Variants in DYM observed in about 807,000 individuals in gnomAD.
The protein encoded by DYM is dyggve-Melchior-Clausen syndrome protein.
A neutral mutation model predicts 93.1 loss-of-function variants in DYM; 78 were observed. The ratio of observed to expected loss-of-function variants is 0.84; its 90% CI spans 0.70 to 1.01. The LOEUF (loss-of-function observed/expected upper bound fraction) is 1.01, where lower values mean the gene tolerates loss of function less well. Ranked by LOEUF, DYM falls within the 50% of genes least tolerant of loss-of-function variation. DYM has a pLI of 0.00. For synonymous variants in DYM, 321 were observed against 319.7 expected, an observed-to-expected ratio of 1.00 and a Z score of -0.04; for missense variants, 789 against 845.0, an observed-to-expected ratio of 0.93 and a Z score of 0.82.
chr18:49,342,233 G>A (rs987802497), intron 6 of DYM, among the ~76,000 whole-genome samples: 1 of 152,148 alleles, frequency 6.6e-6, no homozygotes, highest in Non-Finnish European at 1.5e-5. Flanking sequence ...TGGATCTCTT[G>A]TTCCATCTTC....
chr18:49,338,186 T>C (rs1240173541), intron 6 of DYM, among the ~76,000 whole-genome samples: 1 of 152,202 alleles, frequency 6.6e-6, no homozygotes, highest in Non-Finnish European at 1.5e-5. Flanking sequence ...AATAGTAGGT[T>C]ATCAAAAACA....
At chr18:49,180,912 G>C (rs2089864415) in intron 14 of DYM, among the ~76,000 whole-genome samples, 1 of 152,100 alleles carries the variant, frequency 6.6e-6, no homozygotes, top group Admixed American at 6.6e-5. Context: ...ATTGATTTCT[G>C]GCATGGAGGA....
intron 6 of DYM, among the ~76,000 whole-genome samples, chr18:49,339,105 C>T (rs1054585422): frequency 2.0e-5 from 3 of 152,018 alleles, no homozygotes; most frequent in Non-Finnish European, 4.4e-5. Flanking sequence ...GGTGATATGC[C>T]CCTATGCCCT....
At chr18:49,093,380 G>C (rs570384871) in intron 17 of DYM, 2 of 152,626 alleles carry the variant, frequency 1.3e-5, no homozygotes, top group African/African-American at 4.8e-5. Flanking sequence ...GTTAGGCCAT[G>C]AAGTGCCTTG....
intron 8 of DYM, among the ~76,000 whole-genome samples, chr18:49,316,889 A>C (rs1324005455): frequency 6.6e-6 from 1 of 152,164 alleles, no homozygotes; most frequent in Non-Finnish European, 1.5e-5. Context: ...TTCCTGGCTT[A>C]ACAGCTCTTT....
At position 49,219,524 on chromosome 18, in the gene DYM, T is replaced by C. The variant is rs1320916908; in HGVS notation, c.1461-9809A>G. 8.7e-4 allele frequency among the ~76,000 whole-genome samples: 132 copies of C among 152,112 alleles called. No individual in the cohort carries two copies. In the Middle Eastern group the frequency reaches 0.017, roughly 20 times the overall value. ...AATCCTCAATAAAATACTGGCAAAC[T>C]GAATCCAGCAGCACATCAAAAAGCT... On this transcript the variant is annotated intron_variant, in intron 13 of 17. Coordinates refer to ENST00000675505, the MANE Select transcript of DYM (RefSeq NM_001353214.3).
intron 2 of DYM, among the ~76,000 whole-genome samples, chr18:49,425,632 T>G (rs1266479227): frequency 6.6e-6 from 1 of 152,152 alleles, no homozygotes; most frequent in East Asian, 1.9e-4. Flanking sequence ...AGAAAATTTT[T>G]GCAATCTACC....
At chr18:49,095,242 A>T (rs2079437928) in intron 17 of DYM, among the ~76,000 whole-genome samples, 1 of 152,188 alleles carries the variant, frequency 6.6e-6, no homozygotes, top group African/African-American at 2.4e-5. Context: ...AGAGATTTTA[A>T]GTGACTCATT....
chr18:49,121,343 TA>T (rs2082361593), intron 15 of DYM, among the ~76,000 whole-genome samples: 1 of 151,674 alleles, frequency 6.6e-6, no homozygotes, highest in Non-Finnish European at 1.5e-5. Context: ...TTGCACAAAC[TA>T]ACCCTACAAA....
At chr18:49,315,017 C>T (rs1008207846) in intron 8 of DYM, among the ~76,000 whole-genome samples, 4 of 152,108 alleles carry the variant, frequency 2.6e-5, no homozygotes, top group Non-Finnish European at 5.9e-5. Context: ...GAGTTCGAGA[C>T]CAGCCTGGGC....
chr18:49,228,269 T>C (rs1003709323), intron 13 of DYM, among the ~76,000 whole-genome samples: 1 of 152,106 alleles, frequency 6.6e-6, no homozygotes. Flanking sequence ...ACCTTTATAT[T>C]AGACTGACAA....
At chr18:49,347,426 T>C (rs907649684) in intron 6 of DYM, among the ~76,000 whole-genome samples, 1 of 152,174 alleles carries the variant, frequency 6.6e-6, no homozygotes, top group Non-Finnish European at 1.5e-5. Flanking sequence ...CATTAAAATA[T>C]AACATATTGA....
chr18:49,340,893 CA>C (rs2064063114), intron 6 of DYM, among the ~76,000 whole-genome samples: 1 of 152,148 alleles, frequency 6.6e-6, no homozygotes, highest in Non-Finnish European at 1.5e-5. Flanking sequence ...AATCAAGAAA[CA>C]CTAAGCTTTC....
intron 7 of DYM, among the ~76,000 whole-genome samples, chr18:49,332,524 G>GA (rs778654178): frequency 1.3e-5 from 2 of 152,018 alleles, no homozygotes; most frequent in East Asian, 1.9e-4. Context: ...AGAATCAGTA[G>GA]AAAAAAGCAA....
At chr18:49,374,740 C>T (rs1342285690) in intron 5 of DYM, among the ~76,000 whole-genome samples, 2 of 152,154 alleles carry the variant, frequency 1.3e-5, no homozygotes, top group African/African-American at 4.8e-5. Context: ...GGGCAGATCA[C>T]ATGAGGTCAG....
At chr18:49,393,036 G>A (rs1378624443) in intron 2 of DYM, among the ~76,000 whole-genome samples, 8 of 131,876 alleles carry the variant, frequency 6.1e-5, no homozygotes, top group African/African-American at 2.2e-4. Flanking sequence ...GAAGGAGGAG[G>A]AGGAGGAGGA....
At chr18:49,061,585 C>T (rs1478641062) in intron 17 of DYM, among the ~76,000 whole-genome samples, 2 of 152,176 alleles carry the variant, frequency 1.3e-5, no homozygotes, top group African/African-American at 2.4e-5. Flanking sequence ...ACAATGTGGT[C>T]CCTCTGGATG....
chr18:49,199,082 C>T (rs1434704660), intron 14 of DYM, among the ~76,000 whole-genome samples: 2 of 152,176 alleles, frequency 1.3e-5, no homozygotes, highest in East Asian at 1.9e-4. Flanking sequence ...TTTGTAGGGA[C>T]ATGGATGAAG....
chr18:49,077,165 T>C (rs1422603312), intron 17 of DYM, among the ~76,000 whole-genome samples: 4 of 152,222 alleles, frequency 2.6e-5, no homozygotes, highest in Admixed American at 2.0e-4. Context: ...TTTTAAGTGT[T>C]CAATTTCATA....
Sources: gnomAD v4.1 joint callset for allele counts (sites outside exome capture counted in the v4.1 genomes callset) on GRCh38, gnomAD v4.1.1 for gene constraint, MANE v1.5 for transcripts, NCBI Gene and HGNC (gene_info 2026-07-23, HGNC 2026-07-21) for gene names.